The following CHL1 variants were observed in gnomAD, a reference collection of about 807,000 sequenced individuals.
CHL1 encodes neural cell adhesion molecule L1-like protein.
CHL1 carries 96 observed loss-of-function variants against 141.9 expected under a neutral mutation model. The ratio of observed to expected loss-of-function variants is 0.68; its 90% CI spans 0.57 to 0.80. The LOEUF (loss-of-function observed/expected upper bound fraction) is 0.80. Ranked by LOEUF, CHL1 falls within the 30% of genes least tolerant of loss-of-function variation. The pLI, the probability that CHL1 is intolerant of heterozygous loss-of-function variation, is 0.00. For synonymous variants in CHL1, 613 were observed against 502.2 expected (o/e 1.22, Z -2.95); for missense variants, 1,820 against 1,457.2 (o/e 1.25, Z -4.05).
At chr3:283,174 C>T (rs1696816972) in intron 2 of CHL1, among the ~76,000 whole-genome samples, 4 of 152,176 alleles carry the variant, frequency 2.6e-5, no homozygotes, top group Admixed American at 2.0e-4. Context: ...TTGCTTTATG[C>T]AGTACATAAA....
intron 10 of CHL1, among the ~76,000 whole-genome samples, chr3:354,212 T>C (rs1207308156): frequency 6.6e-6 from 1 of 152,190 alleles, no homozygotes; most frequent in Non-Finnish European, 1.5e-5. Flanking sequence ...GTTTTATTTT[T>C]AAAATTCTTA....
At chr3:380,162 A>C (rs76099040) in intron 16 of CHL1, among the ~76,000 whole-genome samples, 1 of 152,218 alleles carries the variant, frequency 6.6e-6, no homozygotes, top group Non-Finnish European at 1.5e-5. Context: ...AAGAGAAACC[A>C]AAGTCCTCTG....
Position 408,903 on chromosome 3 carries a change from T to C in CHL1, c.*3192T>C, listed in dbSNP as rs1318218247. On this transcript the variant is annotated 3_prime_UTR_variant, in exon 28 of 28. Transcript: ENST00000256509. ...AAAAATGTAGAGCACAATGGAATTATGCTGGAAGTCTCAAATAATATTTTT... is the reference window on the plus strand; with the variant it reads ...AAAAATGTAGAGCACAATGGAATTACGCTGGAAGTCTCAAATAATATTTTT... The C allele has an allele frequency of 6.6e-6, 1 of 152,120 alleles. No homozygotes were observed. Among genetic ancestry groups the C allele is most frequent in the Admixed American group, 6.6e-5 (1 of 15,254 alleles). The allele number at this position is 152,120 out of a possible 1,614,324, so 9.4% of individuals were successfully genotyped here.
At position 225,958 on chromosome 3, in the gene CHL1, G is replaced by A. The variant is rs536794733; in HGVS notation, c.-174-18655G>A. 5.9e-5 allele frequency among the ~76,000 whole-genome samples: 9 copies of A among 151,758 alleles called. No homozygotes were observed. The South Asian group carries it at 1.0e-3, about 18-fold the overall frequency. On this transcript the variant is annotated intron_variant, in intron 1 of 27. Coordinates refer to ENST00000256509, the MANE Select transcript of CHL1 (RefSeq NM_006614.4). Reference sequence around the variant, plus strand: ...TGGGAGGCGGAGCTTGCAGTGAGCCGAGATAGCACCAGTGCACTTCAGCCC... The same window carrying A: ...TGGGAGGCGGAGCTTGCAGTGAGCCAAGATAGCACCAGTGCACTTCAGCCC...
intron 2 of CHL1, among the ~76,000 whole-genome samples, chr3:282,951 T>C (rs1433602376): frequency 6.6e-6 from 1 of 152,218 alleles, no homozygotes; most frequent in East Asian, 1.9e-4. Flanking sequence ...TTTGATTTTG[T>C]GTCCAGGGAT....
At chr3:261,433 T>G (rs1025768233) in intron 2 of CHL1, among the ~76,000 whole-genome samples, 4 of 152,104 alleles carry the variant, frequency 2.6e-5, no homozygotes, top group Non-Finnish European at 5.9e-5. Context: ...TTATGAAGCA[T>G]CGTGGAAGAA....
intron 1 of CHL1, among the ~76,000 whole-genome samples, chr3:238,789 T>A (rs1220426599): frequency 5.5e-5 from 8 of 145,352 alleles, no homozygotes; most frequent in African/African-American, 2.0e-4. Context: ...AAAAAATAGC[T>A]GGATGTGGTG....
Position 363,200 on chromosome 3 carries a change from G to A in CHL1, c.1419-17G>A, listed in dbSNP as rs145584881. 22 of 1,600,284 alleles carry A rather than the reference G, an allele frequency of 1.4e-5. No individual in the cohort carries two copies. The East Asian group carries it at 3.1e-4, about 23-fold the overall frequency. ...TTTGCCCTACCTCAGATGGATGTAC[G>A]CTTTCTTTGTCCATAGGCAGAAGGT... On this transcript the variant is annotated splice_polypyrimidine_tract_variant and intron_variant, in intron 13 of 27. Transcript: ENST00000256509.
intron 13 of CHL1, among the ~76,000 whole-genome samples, chr3:362,109 G>A (rs933525029): frequency 6.6e-6 from 1 of 152,184 alleles, no homozygotes; most frequent in Non-Finnish European, 1.5e-5. Context: ...TTTTCATTAT[G>A]AGGTACCACA....
chr3:209,461 T>TA (rs1188811509), intron 1 of CHL1, among the ~76,000 whole-genome samples: 3 of 152,204 alleles, frequency 2.0e-5, no homozygotes, highest in African/African-American at 7.2e-5. Context: ...ATACCACCTA[T>TA]AGGAGTTCAG....
chr3:243,913 G>C (rs17012641), intron 1 of CHL1, among the ~76,000 whole-genome samples: 23,078 of 152,168 alleles, frequency 0.15, 4,135 homozygotes, highest in African/African-American at 0.44. Context: ...ATAGAAAGTA[G>C]AGTTTTTTAA....
At position 375,362 on chromosome 3, in the gene CHL1, C is replaced by T. The variant is rs1312533400; in HGVS notation, c.1752-2456C>T. ...TGGGATATACTGATAACTAGGAGGG[C>T]GTGGGAGGAAAGGGCATTGAGAATC... is the stretch of plus-strand genomic sequence containing the variant. On this transcript the variant is annotated intron_variant, in intron 15 of 27. Coordinates refer to ENST00000256509, the MANE Select transcript of CHL1 (RefSeq NM_006614.4). Among the ~76,000 whole-genome samples the T allele has an allele frequency of 2.0e-5, 3 of 151,668 alleles. No individual in the cohort carries two copies. In the East Asian group the frequency reaches 5.8e-4, roughly 30 times the overall value.
intron 9 of CHL1, among the ~76,000 whole-genome samples, chr3:347,533 G>A (rs1702866372): frequency 6.7e-6 from 1 of 148,660 alleles, no homozygotes; most frequent in Non-Finnish European, 1.5e-5. Context: ...TCAAGTAAAT[G>A]GTATTAGAAA....
intron 1 of CHL1, among the ~76,000 whole-genome samples, chr3:222,171 C>T (rs1559291939): frequency 6.6e-6 from 1 of 152,218 alleles, no homozygotes; most frequent in East Asian, 1.9e-4. Context: ...CTTAAACCAA[C>T]ATACCTTTTT....
At chr3:317,299 A>G (rs1011160374) in intron 2 of CHL1, among the ~76,000 whole-genome samples, 1 of 152,000 alleles carries the variant, frequency 6.6e-6, no homozygotes, top group Admixed American at 6.6e-5. Context: ...ATTAGTATCT[A>G]TAAGCTACTT....
Position 390,778 on chromosome 3 carries a change from C to T in CHL1, c.2548C>T (p.Pro850Ser). 1.2e-6 allele frequency: 2 copies of T among 1,611,854 alleles called. No individual in the cohort carries two copies. Among genetic ancestry groups the T allele is most frequent in the South Asian group, 2.2e-5 (2 of 91,026 alleles). Reference sequence around the variant, plus strand: ...AGTTAAAGTTACCTGGTCAACAGTTCCAAAGGACAGAGTACATGGACGTCT... The same window carrying T: ...AGTTAAAGTTACCTGGTCAACAGTTTCAAAGGACAGAGTACATGGACGTCT... The part of the protein sequence containing the change: ...TLVKVTWSTV[P>S]KDRVHGRLKG... Residue 850 changes from proline to serine, a missense_variant, in exon 21 of 28, where the codon CCA (proline) becomes TCA (serine). Coordinates refer to ENST00000256509, the MANE Select transcript of CHL1 (RefSeq NM_006614.4).
At position 391,096 on chromosome 3, in the gene CHL1, G is replaced by A; in HGVS notation, c.2728G>A (p.Ala910Thr). The change falls in exon 22 of 28, where the codon GCC becomes ACC. Residue 910 changes from alanine (A) to threonine (T), a missense_variant. Ala to Thr is a moderately conservative substitution (Grantham distance 58). Coordinates refer to ENST00000256509, the MANE Select transcript of CHL1 (RefSeq NM_006614.4). ...AFSEFHLTVL[A>T]YNSKGAGPES... The stretch of plus-strand genomic sequence containing the variant: ...TAGTGAATTTCATTTAACAGTCTTA[G>A]CCTATAACTCTAAAGGAGCTGGTCC... 1.2e-6 allele frequency: 2 copies of A among 1,613,944 alleles called. No individual in the cohort carries two copies. Among genetic ancestry groups the A allele is most frequent in the African/African-American group, 2.7e-5 (2 of 75,034 alleles).
At chr3:352,525 T>A (rs1197977751) in intron 10 of CHL1, among the ~76,000 whole-genome samples, 1 of 152,174 alleles carries the variant, frequency 6.6e-6, no homozygotes, top group Non-Finnish European at 1.5e-5. Flanking sequence ...CATAAGCAAT[T>A]TTCATCTGTT....
Position 341,912 on chromosome 3 carries a change from A to C in CHL1, c.509A>C (p.Glu170Ala), listed in dbSNP as rs754599989. The C allele has an allele frequency of 6.3e-7, 1 of 1,599,384 alleles. No individual in the cohort carries two copies. Among genetic ancestry groups the C allele is most frequent in the South Asian group, 1.1e-5 (1 of 89,928 alleles). Residue 170 changes from glutamate to alanine, a missense_variant and splice_region_variant, in exon 7 of 28, where the codon GAA becomes GCA. Physicochemically the swap from Glu to Ala is moderately radical, Grantham distance 107. Transcript: ENST00000256509. ...TCAATGGCAAGATATCTCTTTTCAG[A>C]ATTAGAACACATCGAACAAGATGAA... ...PPLHIYWMNI[E>A]LEHIEQDERV...
Sources: gnomAD v4.1 joint callset for allele counts (sites outside exome capture counted in the v4.1 genomes callset) on GRCh38, gnomAD v4.1.1 for gene constraint, MANE v1.5 for transcripts, NCBI Gene and HGNC (gene_info 2026-07-23, HGNC 2026-07-21) for gene names.